The following ERICH2 variants were observed in gnomAD, a reference collection of about 807,000 sequenced individuals.
ERICH2 encodes glutamate-rich protein 2.
A neutral mutation model predicts 17.4 loss-of-function variants in ERICH2; 17 were observed. That is an observed-to-expected ratio of 0.98 (90% confidence interval 0.67 to 1.47). The LOEUF (loss-of-function observed/expected upper bound fraction) is 1.47, where lower values mean the gene tolerates loss of function less well. Among genes scored for constraint, ERICH2 ranks in the 40% most tolerant of loss-of-function variants. The pLI is 0.00. For synonymous variants in ERICH2, 51 were observed against 61.1 expected (o/e 0.83, Z 0.77); for missense variants, 186 against 183.2 (o/e 1.01, Z -0.09).
chr2:170,772,779 C>T, the ERICH2 span, among the ~76,000 whole-genome samples: 1 of 152,154 alleles, frequency 6.6e-6, no homozygotes, highest in African/African-American at 2.4e-5. Flanking sequence ...CTCCTTCTCA[C>T]CAGAGTTGCA....
intron 3 of ERICH2, among the ~76,000 whole-genome samples, chr2:170,793,747 A>G (rs116676283): frequency 2.5e-3 from 387 of 152,358 alleles, no homozygotes; most frequent in Non-Finnish European, 4.1e-3. Context: ...GCTTTTGAGT[A>G]GAGCAATGAT....
At chr2:170,777,837 TA>T in the ERICH2 span, 268,291 of 409,964 alleles carry the variant, frequency 0.65, 88,542 homozygotes, top group African/African-American at 0.73. Context: ...CAATTGTTAC[TA>T]TAGATAGAAG....
chr2:170,777,482 TAAG>T, the ERICH2 span: 21 of 1,155,680 alleles, frequency 1.8e-5, no homozygotes, highest in Middle Eastern at 2.1e-4. Context: ...TCCTAAATAG[TAAG>T]AAGACTATTG....
At chr2:170,795,770 C>T (rs1249702117) in intron 3 of ERICH2, among the ~76,000 whole-genome samples, 1 of 152,166 alleles carries the variant, frequency 6.6e-6, no homozygotes, top group Non-Finnish European at 1.5e-5. Context: ...GTCACTTCAC[C>T]TGTAAGTCAA....
chr2:170,774,570 T>C, the ERICH2 span, among the ~76,000 whole-genome samples: 51 of 145,966 alleles, frequency 3.5e-4, no homozygotes, highest in Middle Eastern at 7.5e-3. Context: ...CCATCTTTTT[T>C]TTTTTTTTTT....
chr2:170,776,832 G>A, the ERICH2 span, among the ~76,000 whole-genome samples: 17 of 151,294 alleles, frequency 1.1e-4, no homozygotes, highest in East Asian at 1.9e-4. Context: ...ATAGGTAAAC[G>A]TGTCATGAGG....
At chr2:170,788,667 C>T (rs747043610) in intron 2 of ERICH2, among the ~76,000 whole-genome samples, 7 of 151,968 alleles carry the variant, frequency 4.6e-5, no homozygotes, top group African/African-American at 7.2e-5. Context: ...TTAGTAGAGA[C>T]GGGGTTTCAC....
intron 3 of ERICH2, among the ~76,000 whole-genome samples, chr2:170,797,784 C>T (rs1332315916): frequency 6.7e-6 from 1 of 148,866 alleles, no homozygotes; most frequent in Non-Finnish European, 1.5e-5. Context: ...AGAGCGACAC[C>T]CTGTCTCAGG....
intron 3 of ERICH2, among the ~76,000 whole-genome samples, chr2:170,794,105 C>CTTTTTTTTTTTTT (rs59152667): frequency 4.5e-5 from 4 of 88,168 alleles, no homozygotes; most frequent in Non-Finnish European, 6.3e-5. Flanking sequence ...TCCTTTCTTT[C>CTTTTTTTTTTTTT]TTTTTTTTTT....
At chr2:170,780,311 G>A (rs1700998778), upstream of ERICH2, among the ~76,000 whole-genome samples, 1 of 152,096 alleles carries the variant, frequency 6.6e-6, no homozygotes, top group Non-Finnish European at 1.5e-5. Flanking sequence ...TAGATTTTAG[G>A]TGAAGAGGAA....
At chr2:170,798,388 T>A (rs1006877956) in intron 4 of ERICH2, among the ~76,000 whole-genome samples, 2 of 152,182 alleles carry the variant, frequency 1.3e-5, no homozygotes, top group African/African-American at 4.8e-5. Flanking sequence ...GGCTGCGTGT[T>A]AAAGGAATTA....
intron 4 of ERICH2, 116 bp downstream of exon 9, chr2:170,798,228 A>G (rs1701476661): frequency 1.4e-6 from 1 of 725,536 alleles, no homozygotes; most frequent in East Asian, 2.7e-5. Flanking sequence ...AGAAAAGGCT[A>G]AATGGCTGTC....
intron 3 of ERICH2, among the ~76,000 whole-genome samples, chr2:170,796,643 C>T (rs953067797): frequency 6.6e-6 from 1 of 151,968 alleles, no homozygotes; most frequent in East Asian, 1.9e-4. Context: ...CAGCAGGTTG[C>T]GAAGGCTGGT....
upstream of ERICH2, among the ~76,000 whole-genome samples, chr2:170,781,584 GAT>G (rs1701029417): frequency 6.7e-6 from 1 of 150,130 alleles, no homozygotes. Flanking sequence ...AGTGAGCCGA[GAT>G]CGCGTCACAG....
At chr2:170,772,848 C>G in the ERICH2 span, among the ~76,000 whole-genome samples, 6 of 152,068 alleles carry the variant, frequency 3.9e-5, no homozygotes, top group Non-Finnish European at 7.3e-5. Context: ...TATTAGACTA[C>G]AAGGTAGCTT....
At chr2:170,791,401 C>G (rs528540506) in intron 2 of ERICH2, among the ~76,000 whole-genome samples, 8 of 152,028 alleles carry the variant, frequency 5.3e-5, no homozygotes, top group Non-Finnish European at 1.2e-4. Flanking sequence ...TCAGGTAGTA[C>G]AGCAGTCAAA....
the ERICH2 span, among the ~76,000 whole-genome samples, chr2:170,771,613 C>T: frequency 7.6e-4 from 115 of 152,288 alleles, no homozygotes; most frequent in African/African-American, 2.6e-3. This position sits in a 1 kb window ranked among gnomAD's most constrained non-coding sequence, Gnocchi z 4.8. Context: ...TGCCCTTGCC[C>T]GGAATTCTTT....
chr2:170,784,307 A>C (rs1701097829), intron 1 of ERICH2, among the ~76,000 whole-genome samples: 1 of 152,208 alleles, frequency 6.6e-6, no homozygotes, highest in South Asian at 2.1e-4. Context: ...ATTGTGTATT[A>C]GTAAAAATAG....
At chr2:170,784,466 G>A (rs1038159629) in intron 1 of ERICH2, among the ~76,000 whole-genome samples, 180 bp from the exon 7 acceptor site, 38 of 152,154 alleles carry the variant, frequency 2.5e-4, no homozygotes, top group South Asian at 4.1e-4. Context: ...AGTACATACC[G>A]CCTTGATGTT....
Sources: allele counts gnomAD v4.1 joint callset (sites outside exome capture counted in the v4.1 genomes callset), GRCh38; gene constraint gnomAD v4.1.1; non-coding constraint Gnocchi (gnomAD v3.1); transcripts MANE v1.5; gene names NCBI Gene and HGNC (gene_info 2026-07-23, HGNC 2026-07-21).